The following SLC1A6 variants were observed in gnomAD, a reference collection of about 807,000 sequenced individuals.
SLC1A6 encodes the protein solute carrier family 1 member 6.
SLC1A6 carries 15 observed loss-of-function variants against 42.1 expected under a neutral mutation model. The ratio of observed to expected loss-of-function variants is 0.36; its 90% CI spans 0.24 to 0.55. The LOEUF (loss-of-function observed/expected upper bound fraction) is 0.55. Among genes scored for constraint, SLC1A6 ranks in the 20% least tolerant of loss-of-function variants. The pLI is 0.88. For synonymous variants in SLC1A6, 317 were observed against 319.7 expected, an observed-to-expected ratio of 0.99 and a Z score of 0.09; for missense variants, 542 against 772.5, an observed-to-expected ratio of 0.70 and a Z score of 3.54.
rs769330248 is a variant in SLC1A6 at position 14,964,314 on chromosome 19, CT to C, written c.591+4del. On this transcript the variant is annotated splice_donor_region_variant and intron_variant, in intron 5 of 9. Transcript: ENST00000594383. The stretch of plus-strand genomic sequence containing the variant: ...CCTTGATCAAACTGTGTACTTCCCC[CT>C]GACCTGTTTGAAGCAGGCCTCCACA... 1.2e-6 allele frequency: 2 copies of C among 1,613,230 alleles called. No individual in the cohort carries two copies. The highest frequency in any genetic ancestry group is 1.7e-6 in the Non-Finnish European group (2 of 1,179,216).
intron 1 of SLC1A6, among the ~76,000 whole-genome samples, chr19:14,991,727 A>C (rs74259319): frequency 0.036 from 5,454 of 152,314 alleles, 227 homozygotes; most frequent in East Asian, 0.22. Context: ...ACAATATTTC[A>C]ATGAAATCTT....
At chr19:14,958,794 C>A (rs1165022009) in intron 6 of SLC1A6, among the ~76,000 whole-genome samples, 2 of 152,212 alleles carry the variant, frequency 1.3e-5, no homozygotes, top group African/African-American at 4.8e-5. Flanking sequence ...GCCAATGACA[C>A]TGCTATAAAT....
At chr19:14,951,273 A>AAAAAAAAAAAAAGAAAG in intron 9 of SLC1A6, among the ~76,000 whole-genome samples, 1 of 99,788 alleles carries the variant, frequency 1.0e-5, no homozygotes, top group Non-Finnish European at 2.0e-5. Flanking sequence ...AAAAAAAAAA[A>AAAAAAAAAAAAAGAAAG]AAAAAGAAAG....
Position 14,950,070 on chromosome 19 carries a change from C to A in SLC1A6, c.*125G>T. ...CTGCTCCTTTATTTCACTTTTCCCT[C>A]CCCCCTAAATGAGTCAAGCAGAACG... On this transcript the variant is annotated 3_prime_UTR_variant, in exon 10 of 10. Coordinates refer to ENST00000594383, the MANE Select transcript of SLC1A6 (RefSeq NM_005071.3). 3.5e-6 allele frequency: 2 copies of A among 575,744 alleles called. No homozygotes were observed. The highest frequency in any genetic ancestry group is 3.6e-5 in the Admixed American group (1 of 28,104). 35.7% of individuals were successfully genotyped at this position (575,744 alleles called of 1,614,324 possible).
chr19:15,010,599 C>G (rs1568305017), exon 1 of SLC1A6: 6 of 644,140 alleles, frequency 9.3e-6, no homozygotes, highest in Non-Finnish European at 1.4e-5. Flanking sequence ...TGGGCTCTTT[C>G]TCAAGGAGTC....
rs779504986 is a variant in SLC1A6, at chr19:14,950,036, C to A, written c.*159G>T. 9.9e-6 allele frequency: 5 copies of A among 505,896 alleles called. No homozygotes were observed. Among genetic ancestry groups the A allele is most frequent in the Admixed American group, 3.7e-5 (1 of 27,166 alleles). The allele number at this position is 505,896 out of a possible 1,614,324, so 31.3% of individuals were successfully genotyped here. A position where few individuals can be genotyped will look rare whatever the true frequency, so the allele number is the denominator to read the frequency against. On this transcript the variant is annotated 3_prime_UTR_variant, in exon 10 of 10. Coordinates refer to ENST00000594383, the MANE Select transcript of SLC1A6 (RefSeq NM_005071.3). ...AGAGAGAAACAGAGACCTTATATAC[C>A]TTTCATTCCTGCTCCTTTATTTCAC...
intron 3 of SLC1A6, 90 bp from the exon 4 acceptor site, chr19:14,968,597 C>T: frequency 8.8e-7 from 1 of 1,130,840 alleles, no homozygotes; most frequent in Non-Finnish European, 1.2e-6. Context: ...ATATCACCAA[C>T]TCAACAGCCG....
At chr19:14,987,744 A>G (rs562734820) in intron 1 of SLC1A6, among the ~76,000 whole-genome samples, 1 of 152,284 alleles carries the variant, frequency 6.6e-6, no homozygotes, top group East Asian at 1.9e-4. Context: ...AGTCTCCCCC[A>G]GTATGTTCCA....
chr19:14,976,675 C>G (rs778193877), intron 1 of SLC1A6: 2 of 152,128 alleles, frequency 1.3e-5, no homozygotes, highest in Non-Finnish European at 2.9e-5. Flanking sequence ...TGAGCCACAG[C>G]GCCCGGCTGC....
At chr19:14,993,183 C>T (rs557935425) in intron 1 of SLC1A6, among the ~76,000 whole-genome samples, 34 of 152,240 alleles carry the variant, frequency 2.2e-4, no homozygotes, top group South Asian at 1.7e-3. Flanking sequence ...TCAGGATACC[C>T]CCTCCCAAAT....
At chr19:14,972,472 G>T (rs1439537376) in intron 2 of SLC1A6, among the ~76,000 whole-genome samples, 1 of 152,252 alleles carries the variant, frequency 6.6e-6, no homozygotes, top group African/African-American at 2.4e-5. Context: ...GTGAGTGTGT[G>T]TGTACACATG....
intron 1 of SLC1A6, among the ~76,000 whole-genome samples, chr19:15,008,843 C>A (rs1254964998): frequency 1.2e-5 from 1 of 85,660 alleles, no homozygotes; most frequent in Non-Finnish European, 2.1e-5. Context: ...AAATAATTCG[C>A]GTTTTTTTTT....
At chr19:14,985,063 G>A (rs894454105) in intron 1 of SLC1A6, among the ~76,000 whole-genome samples, 1 of 152,148 alleles carries the variant, frequency 6.6e-6, no homozygotes, top group Admixed American at 6.6e-5. Context: ...TGTATTTTTA[G>A]TAGAGACGGG....
intron 6 of SLC1A6, among the ~76,000 whole-genome samples, chr19:14,959,695 C>T (rs2045492440): frequency 6.6e-6 from 1 of 152,160 alleles, no homozygotes; most frequent in African/African-American, 2.4e-5. Flanking sequence ...CCTGAATGCC[C>T]CACCATTCTC....
At chr19:14,965,038 T>TA (rs71168530) in intron 4 of SLC1A6, among the ~76,000 whole-genome samples, 4 of 150,848 alleles carry the variant, frequency 2.7e-5, no homozygotes, top group Admixed American at 2.7e-4. Flanking sequence ...TTTTTTTTTT[T>TA]AGATGGAGTC....
At chr19:15,003,448 A>T (rs1328089789) in intron 1 of SLC1A6, among the ~76,000 whole-genome samples, 1 of 152,094 alleles carries the variant, frequency 6.6e-6, no homozygotes, top group Non-Finnish European at 1.5e-5. Flanking sequence ...TCCACCAGAA[A>T]AGCGACCTCA....
chr19:15,003,963 C>A (rs2045884462), intron 1 of SLC1A6, among the ~76,000 whole-genome samples: 1 of 152,154 alleles, frequency 6.6e-6, no homozygotes, highest in South Asian at 2.1e-4. Context: ...CGAGACCAAC[C>A]TGGGCAACAT....
chr19:14,961,725 A>T, intron 6 of SLC1A6: 1 of 397,838 alleles, frequency 2.5e-6, no homozygotes, highest in East Asian at 4.5e-5. Context: ...CAGTGAATGA[A>T]TCATTGCAGA....
intron 7 of SLC1A6, 138 bp downstream of exon 7, chr19:14,956,338 G>A: frequency 1.8e-6 from 1 of 558,898 alleles, no homozygotes. Context: ...CCCAGGTGTT[G>A]ACATTATGAG....
Sources: gnomAD v4.1 joint callset for allele counts (sites outside exome capture counted in the v4.1 genomes callset) on GRCh38, gnomAD v4.1.1 for gene constraint, MANE v1.5 for transcripts, NCBI Gene and HGNC (gene_info 2026-07-23, HGNC 2026-07-21) for gene names.